The following SLC45A4 variants were observed in gnomAD, a reference collection of about 807,000 sequenced individuals.
SLC45A4 encodes the protein polyamine-transporter SLC45A4.
In SLC45A4, 32 loss-of-function variants were observed where a neutral mutation model predicts 63.7. The observed-to-expected ratio is 0.50, with a 90% confidence interval of 0.38 to 0.67. The LOEUF is 0.67. Among genes scored for constraint, SLC45A4 ranks in the 30% least tolerant of loss-of-function variants. The probability of loss-of-function intolerance (pLI) is 0.00; values close to 1 mark genes in which losing one functional copy is unlikely to be tolerated. For synonymous variants in SLC45A4, 535 were observed against 510.0 expected, an observed-to-expected ratio of 1.05 and a Z score of -0.66; for missense variants, 1,027 against 1,157.7, an observed-to-expected ratio of 0.89 and a Z score of 1.64.
At chr8:141,296,982 C>T (rs1318728106) in intron 1 of SLC45A4, among the ~76,000 whole-genome samples, 1 of 152,096 alleles carries the variant, frequency 6.6e-6, no homozygotes, top group Non-Finnish European at 1.5e-5. Flanking sequence ...GGCCTTCCAG[C>T]CTCCAGAACT....
rs747821881 is a variant in SLC45A4, at chr8:141,219,006, C to G, written c.634G>C (p.Val212Leu). ...TGGGTCCAGTCCAGCCCACCCAGCA[C>G]GTAGCCGATGGCTCCGCCGAGGCCT... Reference protein sequence around the residue: ...SAGLGGAIGYVLGGLDWTQTF... With the variant: ...SAGLGGAIGYLLGGLDWTQTF... Residue 212 changes from valine to leucine, a missense_variant, in exon 5 of 9, where the codon GTG (valine) becomes CTG (leucine). By Grantham distance (32) the Val-to-Leu change is conservative. Coordinates refer to ENST00000517878, the MANE Select transcript of SLC45A4 (RefSeq NM_001286646.2). 6.2e-7 allele frequency: 1 copy of G among 1,612,204 alleles called. No homozygotes were observed. Among genetic ancestry groups the G allele is most frequent in the East Asian group, 2.2e-5 (1 of 44,838 alleles).
rs1436185184 is a variant in SLC45A4, at chr8:141,227,251, C to T, written c.242-5486G>A. Among the ~76,000 whole-genome samples the T allele has an allele frequency of 6.6e-6, 1 of 152,126 alleles. No homozygotes were observed. The highest frequency in any genetic ancestry group is 6.5e-5 in the Admixed American group (1 of 15,280). On this transcript the variant is annotated intron_variant, in intron 2 of 8. Transcript: ENST00000517878. This position sits in a 1 kb window ranked among gnomAD's most constrained non-coding sequence, Gnocchi z 4.4. ...GTGAGGTCACGGGCGACGCTCGGGT[C>T]ACGTGTGGCGGCTCCTGTTCACAGT... is the stretch of plus-strand genomic sequence containing the variant.
Position 141,218,407 on chromosome 8 carries a change from G to A in SLC45A4, c.1233C>T (p.Ser411=). The A allele has an allele frequency of 1.1e-5, 17 of 1,610,394 alleles. No individual in the cohort carries two copies. Among genetic ancestry groups the A allele is most frequent in the African/African-American group, 1.3e-5 (1 of 75,062 alleles). Residue 411 remains serine (S), a synonymous_variant, in exon 5 of 9, where the codon TCC becomes TCT. Coordinates refer to ENST00000517878, the MANE Select transcript of SLC45A4 (RefSeq NM_001286646.2). ...GGAACGCGTGCCGCCGCCGCCGCAT[G>A]GAGCTCGACGTGGCCGAGGGCTTCG... ...VDTKPSATSS[S]MRRRRHAFRR...
At position 141,283,859 on chromosome 8, in the gene SLC45A4, C is replaced by A. The variant is rs547568621; in HGVS notation, c.-401+24237G>T. Among the ~76,000 whole-genome samples the A allele has an allele frequency of 2.0e-5, 3 of 152,132 alleles. No individual in the cohort carries two copies. In the East Asian group the frequency reaches 5.8e-4, roughly 29 times the overall value. On this transcript the variant is annotated intron_variant, in intron 1 of 8. Transcript: ENST00000517878. ...AAACAGAAAACTCCCAGAACCAGCA[C>A]GTTACAAAGCACTTAGGGACATCAA...
chr8:141,280,286 C>T (rs1271331370), intron 1 of SLC45A4, among the ~76,000 whole-genome samples: 1 of 152,190 alleles, frequency 6.6e-6, no homozygotes, highest in African/African-American at 2.4e-5. Flanking sequence ...GACTCTGTCT[C>T]CTGGATCCCT....
At chr8:141,274,449 G>A (rs1248174205) in intron 1 of SLC45A4, among the ~76,000 whole-genome samples, 2 of 150,342 alleles carry the variant, frequency 1.3e-5, no homozygotes, top group Non-Finnish European at 1.5e-5. Flanking sequence ...CAGGAGAATC[G>A]CTTGAACCCG....
Position 141,212,128 on chromosome 8 carries a change from T to C in SLC45A4, c.2301+69A>G, listed in dbSNP as rs946485405. 8.9e-6 allele frequency: 12 copies of C among 1,355,098 alleles called. No homozygotes were observed. In the African/African-American group the frequency reaches 1.6e-4, roughly 18 times the overall value. 83.9% of individuals were successfully genotyped at this position (1,355,098 alleles called of 1,614,324 possible). On this transcript the variant is annotated intron_variant, in intron 8 of 8. Coordinates refer to ENST00000517878, the MANE Select transcript of SLC45A4 (RefSeq NM_001286646.2). ...GGTGTCTCTGCTCCCGCCCATGGCC[T>C]GGCCCCGCCGCCCGCCCGCCCGCCC...
chr8:141,250,596 G>C (rs1390387419), intron 2 of SLC45A4, among the ~76,000 whole-genome samples: 1 of 152,080 alleles, frequency 6.6e-6, no homozygotes, highest in East Asian at 1.9e-4. Flanking sequence ...TGTTGCCCTA[G>C]CTGGAACTCC....
chr8:141,217,016 G>A, intron 6 of SLC45A4, 74 bp downstream of exon 6: 1 of 1,466,322 alleles, frequency 6.8e-7, no homozygotes, highest in Non-Finnish European at 9.5e-7. Flanking sequence ...TAAGGTGCAG[G>A]ATTCTCTCGT....
rs531681755 is a variant in SLC45A4 at position 141,250,730 on chromosome 8, G to A, written c.241+3259C>T. Among the ~76,000 whole-genome samples the A allele has an allele frequency of 6.6e-5, 10 of 152,288 alleles. No individual in the cohort carries two copies. The South Asian group carries it at 1.5e-3, about 22-fold the overall frequency. Reference sequence around the variant, plus strand: ...AAGGAAGGTGAGGCTGGACTATGACGTGCGGTGCGGTAGGTGTGTTAAATC... The same window carrying A: ...AAGGAAGGTGAGGCTGGACTATGACATGCGGTGCGGTAGGTGTGTTAAATC... On this transcript the variant is annotated intron_variant, in intron 2 of 8. Coordinates refer to ENST00000517878, the MANE Select transcript of SLC45A4 (RefSeq NM_001286646.2).
In SLC45A4 at chr8:141,254,080, G is replaced by A; in HGVS notation, c.150C>T (p.Arg50=). Residue 50 remains arginine (R), a synonymous_variant, in exon 2 of 9, where the codon CGC becomes CGT. Coordinates refer to ENST00000517878, the MANE Select transcript of SLC45A4 (RefSeq NM_001286646.2). The surrounding 1 kb of genome is among the most constrained non-coding windows in gnomAD (Gnocchi z 4.5). ...SEGSIDRIPM[R]LWVMHGAVMF... ...TCACCGCCCCGTGCATCACCCACAG[G>A]CGCATGGGGATTCGGTCTATGGACC... 2 of 1,536,176 alleles carry A rather than the reference G, an allele frequency of 1.3e-6. No homozygotes were observed. The highest frequency in any genetic ancestry group is 1.7e-6 in the Non-Finnish European group (2 of 1,146,906).
chr8:141,292,552 A>C (rs912431994), intron 1 of SLC45A4: 1 of 152,396 alleles, frequency 6.6e-6, no homozygotes, highest in Non-Finnish European at 1.5e-5. Context: ...GGGGGGTTCC[A>C]GTAACAGCTC....
chr8:141,257,566 C>T (rs572034847), intron 1 of SLC45A4, among the ~76,000 whole-genome samples: 16 of 152,196 alleles, frequency 1.1e-4, no homozygotes, highest in Non-Finnish European at 1.9e-4. Context: ...GAAGTGAAGC[C>T]GTCTCTGTTC....
rs1446215702 is a variant in SLC45A4, at chr8:141,207,582, G to A, written c.*3990C>T. On this transcript the variant is annotated 3_prime_UTR_variant, in exon 9 of 9. Transcript: ENST00000517878. Reference sequence around the variant, plus strand: ...GGCCAGTTCACAATGGAACTAAATAGTTTCGTTCCGAGATGCCTGGGGAGT... The same window carrying A: ...GGCCAGTTCACAATGGAACTAAATAATTTCGTTCCGAGATGCCTGGGGAGT... 1 of 152,264 alleles carries A rather than the reference G, an allele frequency of 6.6e-6. No homozygotes were observed. Among genetic ancestry groups the A allele is most frequent in the Non-Finnish European group, 1.5e-5 (1 of 68,048 alleles). 9.4% of individuals were successfully genotyped at this position (152,264 alleles called of 1,614,324 possible).
At chr8:141,301,882 G>A (rs13276253) in intron 1 of SLC45A4, among the ~76,000 whole-genome samples, 1 of 150,988 alleles carries the variant, frequency 6.6e-6, no homozygotes, top group African/African-American at 2.4e-5. Context: ...GAATTGCATA[G>A]ACCTAGGTGG....
chr8:141,218,763 G>C lies in SLC45A4; in HGVS notation c.877C>G (p.Leu293Val). The C allele has an allele frequency of 6.2e-7, 1 of 1,613,244 alleles. No individual in the cohort carries two copies. Among genetic ancestry groups the C allele is most frequent in the Admixed American group, 1.7e-5 (1 of 60,028 alleles). Residue 293 changes from leucine (L) to valine (V), a missense_variant, in exon 5 of 9, where the codon CTG becomes GTG. Coordinates refer to ENST00000517878, the MANE Select transcript of SLC45A4 (RefSeq NM_001286646.2). ...FPDEVQSEHE[L>V]ALDYPDVDIM... ...TCCACGTCCGGGTAGTCCAGGGCCA[G>C]CTCGTGCTCCGACTGTACCTCGTCT...
At chr8:141,246,460 C>T (rs1481296193) in intron 2 of SLC45A4, among the ~76,000 whole-genome samples, 1 of 17,812 alleles carries the variant, frequency 5.6e-5, no homozygotes, top group Non-Finnish European at 1.4e-4. Context: ...CCATATGGGT[C>T]TTTCCAAGAA....
chr8:141,292,863 CTTG>C (rs1483180854), intron 1 of SLC45A4: 3 of 152,280 alleles, frequency 2.0e-5, no homozygotes, highest in Admixed American at 1.3e-4. Context: ...TCTCCATCAG[CTTG>C]TTAACAAATC....
rs1164963866 is a variant in SLC45A4, at chr8:141,208,665, A to C, written c.*2907T>G. 3 of 151,322 alleles carry C rather than the reference A, an allele frequency of 2.0e-5. No homozygotes were observed. Among genetic ancestry groups the C allele is most frequent in the Non-Finnish European group, 2.9e-5 (2 of 67,828 alleles). The allele number at this position is 151,322 out of a possible 1,614,324, so 9.4% of individuals were successfully genotyped here. On this transcript the variant is annotated 3_prime_UTR_variant, in exon 9 of 9. Transcript: ENST00000517878. Reference sequence around the variant, plus strand: ...CCTGCCTGAGAGTGAGAAAAACAACACTCCAAAGCTAGCTCTTCAGCCACC... The same window carrying C: ...CCTGCCTGAGAGTGAGAAAAACAACCCTCCAAAGCTAGCTCTTCAGCCACC...
Sources: allele counts gnomAD v4.1 joint callset (sites outside exome capture counted in the v4.1 genomes callset), GRCh38; gene constraint gnomAD v4.1.1; non-coding constraint Gnocchi (gnomAD v3.1); transcripts MANE v1.5; gene names NCBI Gene and HGNC (gene_info 2026-07-23, HGNC 2026-07-21).